PDE4B: variants seen among roughly 807,000 people sequenced by gnomAD.
The protein encoded by PDE4B is 3',5'-cyclic-AMP phosphodiesterase 4B.
PDE4B carries 20 observed loss-of-function variants against 82.2 expected under a neutral mutation model. The observed-to-expected ratio is 0.24, with a 90% confidence interval of 0.17 to 0.35. PDE4B has a LOEUF of 0.35. PDE4B is among the 10% of genes least tolerant of loss of function. PDE4B has a pLI of 1.00. For missense variants in PDE4B, 655 were observed against 907.2 expected, an observed-to-expected ratio of 0.72 and a Z score of 3.57; for synonymous variants, 320 against 318.9, an observed-to-expected ratio of 1.00 and a Z score of -0.04.
chr1:66,266,846 A>T (rs6701329), intron 7 of PDE4B: 180,292 of 360,674 alleles, frequency 0.5, 46,657 homozygotes, highest in Non-Finnish European at 0.56. Context: ...TTCCCTACTA[A>T]TGTAGCAGTA....
chr1:66,212,614 CT>C (rs1349170629), intron 3 of PDE4B, among the ~76,000 whole-genome samples: 3 of 152,266 alleles, frequency 2.0e-5, no homozygotes, highest in South Asian at 4.1e-4. Flanking sequence ...ATTTTATTGT[CT>C]TTCCCCCCAC....
chr1:66,062,696 G>A (rs1655639939), intron 3 of PDE4B, among the ~76,000 whole-genome samples: 2 of 152,066 alleles, frequency 1.3e-5, no homozygotes, highest in African/African-American at 4.8e-5. Flanking sequence ...TAGGATGCTA[G>A]GCAAGCTGAC....
intron 1 of PDE4B, among the ~76,000 whole-genome samples, chr1:65,827,021 A>G (rs1646026533): frequency 6.6e-6 from 1 of 152,222 alleles, no homozygotes; most frequent in Non-Finnish European, 1.5e-5. Context: ...TACTGCATAC[A>G]TTAAGCACAG....
chr1:66,256,007 A>G (rs935710827), intron 4 of PDE4B, among the ~76,000 whole-genome samples: 20 of 152,142 alleles, frequency 1.3e-4, no homozygotes, highest in African/African-American at 4.6e-4. Context: ...CTACAGAAAA[A>G]TACAAAAATA....
intron 7 of PDE4B, chr1:66,332,303 C>A: frequency 6.5e-7 from 1 of 1,544,744 alleles, no homozygotes; most frequent in Non-Finnish European, 8.7e-7. Context: ...TGGGGGGAAA[C>A]TTGGCACCAG....
Position 66,361,634 on chromosome 1 carries a change from G to T in PDE4B, c.861G>T (p.Glu287Asp). The T allele has an allele frequency of 6.2e-7, 1 of 1,613,158 alleles. No homozygotes were observed. Among genetic ancestry groups the T allele is most frequent in the Non-Finnish European group, 8.5e-7 (1 of 1,179,428 alleles). Residue 287 changes from glutamate (E) to aspartate (D), a missense_variant, in exon 10 of 17, where the codon GAG becomes GAT. Physicochemically the swap from Glu to Asp is conservative, Grantham distance 45 (BLOSUM62 2). Coordinates refer to ENST00000341517, the MANE Select transcript of PDE4B (RefSeq NM_002600.4). ...TTGCAGACAAGCAGAATGATGTGGA[G>T]ATCCCATCTCCTACCCAGAAAGACA... ...NTFLDKQNDV[E>D]IPSPTQKDRE...
rs1051842195 is a variant in PDE4B at position 65,992,912 on chromosome 1, A to G, written c.281+74077A>G. The G allele has an allele frequency of 2.5e-6, 4 of 1,613,396 alleles. No individual in the cohort carries two copies. In the African/African-American group the frequency reaches 5.3e-5, roughly 22 times the overall value. On this transcript the variant is annotated intron_variant, in intron 3 of 16. Transcript: ENST00000341517. ...GCTAGCACTCCTTACAAGACATGACAGCAAAAGATTCTTCAAAGGAACTTA... is the reference window on the plus strand; with the variant it reads ...GCTAGCACTCCTTACAAGACATGACGGCAAAAGATTCTTCAAAGGAACTTA...
chr1:66,167,494 G>T (rs1646757798), intron 3 of PDE4B, among the ~76,000 whole-genome samples: 1 of 152,174 alleles, frequency 6.6e-6, no homozygotes, highest in African/African-American at 2.4e-5. Context: ...TTAGTTAGGA[G>T]TAAATGGAAA....
intron 9 of PDE4B, 59 bp downstream of exon 9, chr1:66,355,679 A>G (rs1218454717): frequency 3.0e-6 from 3 of 986,008 alleles, no homozygotes; most frequent in Non-Finnish European, 4.7e-6. Context: ...ATTAATTTCT[A>G]CAACCTATCA....
intron 3 of PDE4B, among the ~76,000 whole-genome samples, chr1:66,228,913 C>G (rs1651696102): frequency 7.7e-6 from 1 of 129,640 alleles, no homozygotes; most frequent in South Asian, 3.5e-4. Flanking sequence ...CTTCTATAGT[C>G]TGCACTGCCT....
chr1:66,141,785 C>T (rs1482633616), intron 3 of PDE4B, among the ~76,000 whole-genome samples: 4 of 152,166 alleles, frequency 2.6e-5, no homozygotes, highest in Middle Eastern at 3.4e-3. Context: ...CCTCCCAGGT[C>T]GGTCATTCTT....
intron 3 of PDE4B, among the ~76,000 whole-genome samples, chr1:66,114,999 A>T (rs1032736690): frequency 6.6e-6 from 1 of 152,208 alleles, no homozygotes; most frequent in Non-Finnish European, 1.5e-5. Context: ...GGGAGTTTAC[A>T]ATCCAATTTA....
intron 1 of PDE4B, among the ~76,000 whole-genome samples, chr1:65,798,611 C>T (rs1186783339): frequency 4.0e-5 from 6 of 151,856 alleles, no homozygotes; most frequent in Non-Finnish European, 1.5e-5. Context: ...GTCTTGGCTT[C>T]CCAAAGTGCT....
chr1:66,358,751 T>C (rs1662504116), intron 9 of PDE4B, among the ~76,000 whole-genome samples: 1 of 151,646 alleles, frequency 6.6e-6, no homozygotes, highest in East Asian at 1.9e-4. Context: ...ACCACCTCAG[T>C]GAGCACAAAA....
chr1:66,122,945 A>T (rs1308359050), intron 3 of PDE4B, among the ~76,000 whole-genome samples: 1 of 151,838 alleles, frequency 6.6e-6, no homozygotes, highest in Non-Finnish European at 1.5e-5. Flanking sequence ...ACCTCAGGGG[A>T]TCTGTCTGCC....
intron 8 of PDE4B, chr1:66,354,873 T>C: frequency 6.5e-7 from 1 of 1,535,800 alleles, no homozygotes; most frequent in Non-Finnish European, 8.7e-7. Flanking sequence ...ATTTGTTATC[T>C]GTATCTTGGG....
At chr1:66,009,021 T>C (rs1652315434) in intron 3 of PDE4B, among the ~76,000 whole-genome samples, 1 of 152,154 alleles carries the variant, frequency 6.6e-6, no homozygotes, top group African/African-American at 2.4e-5. Flanking sequence ...TCTAGATCTA[T>C]GTCTCTCTCC....
intron 3 of PDE4B, among the ~76,000 whole-genome samples, chr1:66,080,672 G>A (rs1656675897): frequency 6.6e-6 from 1 of 152,088 alleles, no homozygotes; most frequent in African/African-American, 2.4e-5. Flanking sequence ...TGTGTTACAG[G>A]TACACTCTGG....
chr1:66,357,056 T>G (rs1445185287), intron 9 of PDE4B, among the ~76,000 whole-genome samples: 5 of 152,352 alleles, frequency 3.3e-5, no homozygotes, highest in Admixed American at 1.3e-4. Context: ...TTTCATTAGC[T>G]GGGAGCTGTT....
Sources: gnomAD v4.1 joint callset for allele counts (sites outside exome capture counted in the v4.1 genomes callset) on GRCh38, gnomAD v4.1.1 for gene constraint, MANE v1.5 for transcripts, NCBI Gene and HGNC (gene_info 2026-07-23, HGNC 2026-07-21) for gene names.